Variants in CTC1 observed in about 807,000 individuals in gnomAD.
CTC1 encodes the protein CST complex subunit CTC1.
Under a neutral mutation model 136.3 loss-of-function variants are expected in CTC1, and 91 were observed. The ratio of observed to expected loss-of-function variants is 0.67; its 90% CI spans 0.56 to 0.79. The LOEUF is 0.79. Ranked by LOEUF, CTC1 falls within the 30% of genes least tolerant of loss-of-function variation. The pLI, the probability that CTC1 is intolerant of heterozygous loss-of-function variation, is 0.00. For synonymous variants in CTC1, 606 were observed against 613.8 expected (o/e 0.99, Z 0.19); for missense variants, 1,432 against 1,498.1 (o/e 0.96, Z 0.73).
In CTC1 at chr17:8,225,766, C is replaced by G. The variant is rs537780961; in HGVS notation, c.*2414G>C. On this transcript the variant is annotated 3_prime_UTR_variant, in exon 23 of 23. Transcript: ENST00000651323. ...GCAAGTGAAAGACCAGTTAGAGGAC[C>G]GCATCTGGAAGCTGTGCCAAATTTT... 1.1e-4 allele frequency: 16 copies of G among 152,024 alleles called. No individual in the cohort carries two copies. The South Asian group carries it at 1.3e-3, about 12-fold the overall frequency. The allele number at this position is 152,024 out of a possible 1,614,324, so 9.4% of individuals were successfully genotyped here.
At chr17:8,241,378 T>A (rs1988203565) in intron 2 of CTC1, among the ~76,000 whole-genome samples, 1 of 151,624 alleles carries the variant, frequency 6.6e-6, no homozygotes. Flanking sequence ...CCCAGCACTC[T>A]GGAAGACCGA....
Position 8,234,885 on chromosome 17 carries a change from T to A in CTC1, c.1481A>T (p.His494Leu), listed in dbSNP as rs1987566727. The A allele has an allele frequency of 6.2e-7, 1 of 1,610,694 alleles. No individual in the cohort carries two copies. The highest frequency in any genetic ancestry group is 1.3e-5 in the African/African-American group (1 of 74,822). ...HVLRHHQFLQ[H>L]SSPGSPSLGL... Reference sequence around the variant, plus strand: ...CAGGCTGGGGCTCCCAGGAGAGGAATGTTGCAGGAACTGGTGGTGTCTCAG... The same window carrying A: ...CAGGCTGGGGCTCCCAGGAGAGGAAAGTTGCAGGAACTGGTGGTGTCTCAG... Residue 494 changes from histidine (H) to leucine (L), a missense_variant, in exon 9 of 23, where the codon CAT becomes CTT. Coordinates refer to ENST00000651323, the MANE Select transcript of CTC1 (RefSeq NM_025099.6).
At chr17:8,242,253 G>A (rs73244879) in intron 2 of CTC1, among the ~76,000 whole-genome samples, 2,964 of 151,860 alleles carry the variant, frequency 0.02, 103 homozygotes, top group African/African-American at 0.068. Context: ...GGCTGACCTC[G>A]AACTGCCGAC....
Position 8,229,331 on chromosome 17 carries a change from A to G in CTC1, c.3127T>C (p.Cys1043Arg). 6.2e-7 allele frequency: 1 copy of G among 1,614,170 alleles called. No individual in the cohort carries two copies. Among genetic ancestry groups the G allele is most frequent in the Non-Finnish European group, 8.5e-7 (1 of 1,180,030 alleles). ...CGGCAGATGCTGGTACAATAAGCAC[A>G]CACCCAGAAGAGCTGAAGGCTGAAG... ...SVFSLQLFWV[C>R]AYCTSICRQG... is the part of the protein sequence containing the mutation. The change falls in exon 19 of 23, where the codon TGT becomes CGT. Residue 1043 changes from cysteine to arginine, a missense_variant. By Grantham distance (180) the Cys-to-Arg change is radical (BLOSUM62 -3). Coordinates refer to ENST00000651323, the MANE Select transcript of CTC1 (RefSeq NM_025099.6).
At position 8,234,450 on chromosome 17, in the gene CTC1, C is replaced by T. The variant is rs1223529226; in HGVS notation, c.1818+5G>A. The T allele has an allele frequency of 1.3e-6, 2 of 1,551,748 alleles. No homozygotes were observed. Among genetic ancestry groups the T allele is most frequent in the African/African-American group, 1.4e-5 (1 of 73,190 alleles). On this transcript the variant is annotated splice_donor_5th_base_variant and intron_variant, in intron 10 of 22. Transcript: ENST00000651323. The stretch of plus-strand genomic sequence containing the variant: ...TCACCTGAGCCCTGCTAGGGTCCCC[C>T]TTACCTGGGCTGGGCAGAAGGCAGA...
At chr17:8,230,261 C>G in intron 17 of CTC1, 33 bp downstream of exon 17, 3 of 1,586,058 alleles carry the variant, frequency 1.9e-6, no homozygotes, top group Non-Finnish European at 1.7e-6. Flanking sequence ...ACATCAGTAG[C>G]AAGAGGAGGC....
At chr17:8,236,665 T>C (rs1987757194) in intron 5 of CTC1, among the ~76,000 whole-genome samples, 1 of 152,192 alleles carries the variant, frequency 6.6e-6, no homozygotes, top group Non-Finnish European at 1.5e-5. Flanking sequence ...TCAAAGTGTA[T>C]TGAGTATATA....
intron 5 of CTC1, 49 bp from the exon 6 acceptor site, chr17:8,236,391 C>A (rs1304865361): frequency 6.4e-7 from 1 of 1,560,080 alleles, no homozygotes; most frequent in African/African-American, 1.3e-5. Flanking sequence ...CCCAACACTG[C>A]CACTCTGCCA....
chr17:8,235,292 G>A lies in CTC1; in HGVS notation c.1207-7C>T, dbSNP rs746123381. On this transcript the variant is annotated splice_polypyrimidine_tract_variant and splice_region_variant and intron_variant, in intron 7 of 22. Transcript: ENST00000651323. ...GCAGGTGAACATCCTGGAGCTGGGG[G>A]AAAGCAGAGAAAATGAAAAAGCAGA... 2 of 1,603,130 alleles carry A rather than the reference G, an allele frequency of 1.2e-6. No individual in the cohort carries two copies. Among genetic ancestry groups the A allele is most frequent in the Non-Finnish European group, 1.7e-6 (2 of 1,170,754 alleles).
At chr17:8,241,785 A>G (rs1395538678) in intron 2 of CTC1, among the ~76,000 whole-genome samples, 1 of 150,410 alleles carries the variant, frequency 6.6e-6, no homozygotes, top group Non-Finnish European at 1.5e-5. Flanking sequence ...CCCAGGAGGT[A>G]AAGGCTGTGA....
At position 8,226,498 on chromosome 17, in the gene CTC1, C is replaced by G. The variant is rs1986679723; in HGVS notation, c.*1682G>C. 6.6e-6 allele frequency: 1 copy of G among 152,220 alleles called. No homozygotes were observed. Among genetic ancestry groups the G allele is most frequent in the Admixed American group, 6.5e-5 (1 of 15,274 alleles). 9.4% of individuals were successfully genotyped at this position (152,220 alleles called of 1,614,324 possible). On this transcript the variant is annotated 3_prime_UTR_variant, in exon 23 of 23. Coordinates refer to ENST00000651323, the MANE Select transcript of CTC1 (RefSeq NM_025099.6). ...AGATTTCAAACCAAAATCATAGACT[C>G]TAAATCAAATTCTCGATTCTAGAGT...
rs2151491981 is a variant in CTC1, at chr17:8,226,389, T to C, written c.*1791A>G. Reference sequence around the variant, plus strand: ...CGGACCGAGCTTTTTCAGATCTTTCTAGAACTAATTTGGTAACTCAACTGG... The same window carrying C: ...CGGACCGAGCTTTTTCAGATCTTTCCAGAACTAATTTGGTAACTCAACTGG... On this transcript the variant is annotated 3_prime_UTR_variant, in exon 23 of 23. Coordinates refer to ENST00000651323, the MANE Select transcript of CTC1 (RefSeq NM_025099.6). The C allele has an allele frequency of 6.6e-6, 1 of 152,308 alleles. No individual in the cohort carries two copies. The highest frequency in any genetic ancestry group is 2.1e-4 in the South Asian group (1 of 4,814). The allele number at this position is 152,308 out of a possible 1,614,324, so 9.4% of individuals were successfully genotyped here.
chr17:8,226,656 T>TA lies in CTC1; in HGVS notation c.*1523_*1524insT, dbSNP rs1252179719. On this transcript the variant is annotated 3_prime_UTR_variant, in exon 23 of 23. Transcript: ENST00000651323. ...CTGCGCGGGGAGACCCCAATGGATT[T>TA]CTAGTCCATCGCCTTAACCACTCGG... The TA allele has an allele frequency of 6.6e-6, 1 of 152,198 alleles. No individual in the cohort carries two copies. Among genetic ancestry groups the TA allele is most frequent in the African/African-American group, 2.4e-5 (1 of 41,452 alleles). 9.4% of individuals were successfully genotyped at this position (152,198 alleles called of 1,614,324 possible). A position where few individuals can be genotyped will look rare whatever the true frequency, so the allele number is the denominator to read the frequency against.
rs1986950275 is a variant in CTC1 at position 8,228,787 on chromosome 17, A to G, written c.3327T>C (p.Asp1109=). Residue 1109 remains aspartate (D), a synonymous_variant, in exon 21 of 23, where the codon GAT becomes GAC. Transcript: ENST00000651323. The stretch of plus-strand genomic sequence containing the variant: ...CCACTCTGCCTGGCACTTGGACGAA[A>G]TCTAGGAGGGAGGCCCACTCTCTAG... The part of the protein sequence containing the change: ...LCPREWASLL[D]FVQVPGRVVL... 2 of 1,613,950 alleles carry G rather than the reference A, an allele frequency of 1.2e-6. No individual in the cohort carries two copies. Among genetic ancestry groups the G allele is most frequent in the African/African-American group, 2.7e-5 (2 of 74,884 alleles).
Position 8,228,813 on chromosome 17 carries a change from G to A in CTC1, c.3301C>T (p.Pro1101Ser). The change falls in exon 21 of 23, where the codon CCT (proline) becomes TCT (serine). Residue 1101 changes from proline (P) to serine (S), a missense_variant. Coordinates refer to ENST00000651323, the MANE Select transcript of CTC1 (RefSeq NM_025099.6). ...TCTAGGAGGGAGGCCCACTCTCTAG[G>A]ACACAGCCCTAGTGCTGCTGCCACA... Reference protein sequence around the residue: ...HHVAAALGLCPREWASLLDFV... With the variant: ...HHVAAALGLCSREWASLLDFV... 6.2e-7 allele frequency: 1 copy of A among 1,614,048 alleles called. No homozygotes were observed. The highest frequency in any genetic ancestry group is 8.5e-7 in the Non-Finnish European group (1 of 1,179,998).
At chr17:8,247,878 AC>A (rs2151563529) in intron 1 of CTC1, 125 bp downstream of exon 1, 2 of 915,504 alleles carry the variant, frequency 2.2e-6, no homozygotes, top group East Asian at 5.3e-5. Context: ...CCGACTCACA[AC>A]CCCCTCACCC....
rs147822556 is a variant in CTC1, at chr17:8,246,132, G to A, written c.33+1872C>T. ...GAGGTGGGAGGATCGCTTGAGCCCA[G>A]GGAGGTTGAGGCTGCAGTGAGCCAT... On this transcript the variant is annotated intron_variant, in intron 1 of 22. Transcript: ENST00000651323. Among the ~76,000 whole-genome samples the A allele has an allele frequency of 2.6e-4, 39 of 151,550 alleles. No individual in the cohort carries two copies. The East Asian group carries it at 5.5e-3, about 21-fold the overall frequency.
chr17:8,241,016 C>T (rs932583265), intron 2 of CTC1, among the ~76,000 whole-genome samples: 69 of 152,064 alleles, frequency 4.5e-4, no homozygotes, highest in African/African-American at 1.6e-3. Context: ...GGGCCGGGCG[C>T]GGTGGCTCAC....
chr17:8,247,850 G>T, intron 1 of CTC1, 154 bp downstream of exon 1: 1 of 700,460 alleles, frequency 1.4e-6, no homozygotes, highest in Non-Finnish European at 2.5e-6. Flanking sequence ...CGCAGAACCA[G>T]TAAGAGGTAG....
Sources: allele counts gnomAD v4.1 joint callset (sites outside exome capture counted in the v4.1 genomes callset), GRCh38; gene constraint gnomAD v4.1.1; transcripts MANE v1.5; gene names NCBI Gene and HGNC (gene_info 2026-07-23, HGNC 2026-07-21).